The following MARCHF4 variants were observed in gnomAD, a reference collection of about 807,000 sequenced individuals.
The protein encoded by MARCHF4 is membrane associated ring-CH-type finger 4, also known as E3 ubiquitin-protein ligase MARCHF4.
Under a neutral mutation model 43.9 loss-of-function variants are expected in MARCHF4, and 14 were observed. That is an observed-to-expected ratio of 0.32 (90% CI 0.21 to 0.50). The LOEUF (loss-of-function observed/expected upper bound fraction) is 0.50. Among genes scored for constraint, MARCHF4 ranks in the 20% least tolerant of loss-of-function variants. The pLI is 0.98. For synonymous variants in MARCHF4, 226 were observed against 213.3 expected (o/e 1.06, Z -0.52); for missense variants, 468 against 536.7 (o/e 0.87, Z 1.27).
chr2:216,271,579 C>T (rs928213715), intron 3 of MARCHF4, among the ~76,000 whole-genome samples: 3 of 152,110 alleles, frequency 2.0e-5, no homozygotes, highest in Non-Finnish European at 4.4e-5. Flanking sequence ...AACAAGGCAG[C>T]CAACAAAAGC....
At chr2:216,344,671 G>A (rs1692288088) in intron 1 of MARCHF4, among the ~76,000 whole-genome samples, 1 of 152,156 alleles carries the variant, frequency 6.6e-6, no homozygotes, top group African/African-American at 2.4e-5. Context: ...GGAGGTGGAA[G>A]CAAGATTGGA....
intron 1 of MARCHF4, among the ~76,000 whole-genome samples, chr2:216,294,232 G>T (rs1691356268): frequency 6.6e-6 from 1 of 152,240 alleles, no homozygotes; most frequent in Non-Finnish European, 1.5e-5. Context: ...AAGTTAAGTG[G>T]CAAATACTCT....
chr2:216,362,614 C>T (rs1051070669), intron 1 of MARCHF4, among the ~76,000 whole-genome samples: 5 of 152,292 alleles, frequency 3.3e-5, no homozygotes, highest in Non-Finnish European at 5.9e-5. Flanking sequence ...CCCTTGTGTC[C>T]CCCTTGTGGG....
In MARCHF4 at chr2:216,339,051, G is replaced by A. The variant is rs370337847; in HGVS notation, c.516+30694C>T. 1.4e-4 allele frequency among the ~76,000 whole-genome samples: 21 copies of A among 152,306 alleles called. No homozygotes were observed. In the East Asian group the frequency reaches 3.9e-3, roughly 28 times the overall value. On this transcript the variant is annotated intron_variant, in intron 1 of 3. Transcript: ENST00000273067. ...GCTGTCCCAGGTTGGACAGAAAGGA[G>A]CGGGGAGATGGGAGAGATTCCTAAG...
At chr2:216,267,125 A>G (rs1203637557) in intron 3 of MARCHF4, among the ~76,000 whole-genome samples, 2 of 152,160 alleles carry the variant, frequency 1.3e-5, no homozygotes, top group Non-Finnish European at 2.9e-5. Flanking sequence ...GCCTTCTGTG[A>G]CAGAGATGGC....
At chr2:216,336,581 G>A (rs1692159682) in intron 1 of MARCHF4, among the ~76,000 whole-genome samples, 1 of 151,876 alleles carries the variant, frequency 6.6e-6, no homozygotes, top group Admixed American at 6.6e-5. Flanking sequence ...TCTTTGGCTT[G>A]TTCTATCTGT....
chr2:216,326,542 CA>C (rs1691995003), intron 1 of MARCHF4, among the ~76,000 whole-genome samples: 1 of 151,512 alleles, frequency 6.6e-6, no homozygotes, highest in Non-Finnish European at 1.5e-5. Flanking sequence ...TTCACAATAG[CA>C]AAGACTTGGA....
At chr2:216,259,799 G>T in intron 3 of MARCHF4, 120 bp from the exon 4 acceptor site, 1 of 986,696 alleles carries the variant, frequency 1.0e-6, no homozygotes, top group Non-Finnish European at 1.5e-6. Flanking sequence ...GCTGAGCCAT[G>T]GGAGGACCAT....
chr2:216,310,234 G>A (rs1445109012), intron 1 of MARCHF4, among the ~76,000 whole-genome samples: 1 of 151,960 alleles, frequency 6.6e-6, no homozygotes, highest in East Asian at 1.9e-4. Context: ...TTCACTTTGG[G>A]GCAGTACTAA....
rs5838577 is a variant in MARCHF4, at chr2:216,314,326, C to CT, written c.517-30598dup. Among the ~76,000 whole-genome samples the CT allele has an allele frequency of 4.9e-3, 676 of 139,358 alleles. 4 individuals carry two copies. The highest frequency in any genetic ancestry group is 0.018 in the East Asian group (88 of 4,776). 91.4% of individuals were successfully genotyped at this position (139,358 alleles called of 152,430 possible). A position where few individuals can be genotyped will look rare whatever the true frequency, so the allele number is the denominator to read the frequency against. ...AATAAGTAGACAAATGATGTAACTACTTTTTTTTTTTTTTTTTGAGACAGT... is the reference window on the plus strand; with the variant it reads ...AATAAGTAGACAAATGATGTAACTACTTTTTTTTTTTTTTTTTTGAGACAGT... On this transcript the variant is annotated intron_variant, in intron 1 of 3. Coordinates refer to ENST00000273067, the MANE Select transcript of MARCHF4 (RefSeq NM_020814.3).
rs991058112 is a variant in MARCHF4 at position 216,371,513 on chromosome 2, G to T, written c.-1253C>A. The T allele has an allele frequency of 1.3e-5, 2 of 152,364 alleles. No homozygotes were observed. Among genetic ancestry groups the T allele is most frequent in the African/African-American group, 4.8e-5 (2 of 41,454 alleles). The allele number at this position is 152,364 out of a possible 1,614,324, so 9.4% of individuals were successfully genotyped here. ...GCGGCGGAGGCGACTGCTGCTCGGC[G>T]TCCGGGTGTCTCCGGGGCGGGGGCT... On this transcript the variant is annotated 5_prime_UTR_variant, in exon 1 of 4. Coordinates refer to ENST00000273067, the MANE Select transcript of MARCHF4 (RefSeq NM_020814.3).
intron 1 of MARCHF4, among the ~76,000 whole-genome samples, chr2:216,309,492 T>A (rs1691646366): frequency 6.6e-6 from 1 of 152,156 alleles, no homozygotes; most frequent in African/African-American, 2.4e-5. Flanking sequence ...ACATCCAAGT[T>A]CCTAGGGTGT....
chr2:216,353,306 G>A lies in MARCHF4; in HGVS notation c.516+16439C>T, dbSNP rs558896425. On this transcript the variant is annotated intron_variant, in intron 1 of 3. Coordinates refer to ENST00000273067, the MANE Select transcript of MARCHF4 (RefSeq NM_020814.3). ...AAACTCCCACCCATTCTCTTTGATC[G>A]CTTCCATTCTCTAAACATTCTGGTA... Among the ~76,000 whole-genome samples, 8 of 152,230 alleles carry A rather than the reference G, an allele frequency of 5.3e-5. No individual in the cohort carries two copies. In the South Asian group the frequency reaches 1.2e-3, roughly 24 times the overall value.
At chr2:216,330,686 C>T (rs1692070509) in intron 1 of MARCHF4, among the ~76,000 whole-genome samples, 1 of 152,038 alleles carries the variant, frequency 6.6e-6, no homozygotes. Context: ...AGTATGTTAA[C>T]TTAAACTAGA....
chr2:216,315,859 A>C (rs1691766033), intron 1 of MARCHF4, among the ~76,000 whole-genome samples: 1 of 152,192 alleles, frequency 6.6e-6, no homozygotes, highest in African/African-American at 2.4e-5. Flanking sequence ...ATGGGTAAAA[A>C]GTGAGTCATC....
At chr2:216,308,188 G>A (rs1691620586) in intron 1 of MARCHF4, among the ~76,000 whole-genome samples, 1 of 152,218 alleles carries the variant, frequency 6.6e-6, no homozygotes, top group Admixed American at 6.5e-5. Flanking sequence ...GATCGCTTGA[G>A]CTCAGGAGTT....
rs537744002 is a variant in MARCHF4 at position 216,302,622 on chromosome 2, G to T, written c.517-18893C>A. Among the ~76,000 whole-genome samples the T allele has an allele frequency of 3.9e-5, 6 of 152,076 alleles. No individual in the cohort carries two copies. The East Asian group carries it at 9.7e-4, about 25-fold the overall frequency. On this transcript the variant is annotated intron_variant, in intron 1 of 3. Transcript: ENST00000273067. ...CATTGAAAATGGAATTTTAGGCCGG[G>T]TGTGGTGGTTTATTCCTGTAATCTC...
intron 3 of MARCHF4, among the ~76,000 whole-genome samples, chr2:216,269,632 C>T (rs555242117): frequency 3.3e-5 from 5 of 151,148 alleles, no homozygotes; most frequent in East Asian, 1.9e-4. Flanking sequence ...CCTGATCAAG[C>T]GCTTCCTACC....
Position 216,371,232 on chromosome 2 carries a change from G to A in MARCHF4, c.-972C>T, listed in dbSNP as rs1351283955. On this transcript the variant is annotated 5_prime_UTR_variant, in exon 1 of 4. Transcript: ENST00000273067. ...AGCAGAGAATAGGGGTAGAGGAGAGGGGCGTGTGGGAGAGAACAGGAGAAA... is the reference window on the plus strand; with the variant it reads ...AGCAGAGAATAGGGGTAGAGGAGAGAGGCGTGTGGGAGAGAACAGGAGAAA... 1 of 152,716 alleles carries A rather than the reference G, an allele frequency of 6.5e-6. No individual in the cohort carries two copies. Among genetic ancestry groups the A allele is most frequent in the African/African-American group, 2.4e-5 (1 of 41,436 alleles). 9.5% of individuals were successfully genotyped at this position (152,716 alleles called of 1,614,324 possible).
Sources: gnomAD v4.1 joint callset for allele counts (sites outside exome capture counted in the v4.1 genomes callset) on GRCh38, gnomAD v4.1.1 for gene constraint, MANE v1.5 for transcripts, NCBI Gene and HGNC (gene_info 2026-07-23, HGNC 2026-07-21) for gene names.